Variants in TSGA10 observed in about 807,000 individuals in gnomAD.
TSGA10 encodes testis-specific gene 10 protein.
TSGA10 carries 43 observed loss-of-function variants against 96.6 expected under a neutral mutation model. The ratio of observed to expected loss-of-function variants is 0.44; its 90% CI spans 0.35 to 0.57. The LOEUF is 0.57. TSGA10 is among the 20% of genes least tolerant of loss of function. The pLI is 0.01. For missense variants in TSGA10, 703 were observed against 834.4 expected, an observed-to-expected ratio of 0.84 and a Z score of 1.94; for synonymous variants, 229 against 269.9, an observed-to-expected ratio of 0.85 and a Z score of 1.48.
rs980362248 is a variant in TSGA10, at chr2:99,115,802, C to A, written c.-140+1742G>T. On this transcript the variant is annotated intron_variant, in intron 4 of 20. Coordinates refer to ENST00000393483, the MANE Select transcript of TSGA10 (RefSeq NM_025244.4). ...GACTGAGGCAGGAAATCACTTGAAC[C>A]CGGGAGGTGGAGGTTGCAGTGAGCC... Among the ~76,000 whole-genome samples, 14 of 152,150 alleles carry A rather than the reference C, an allele frequency of 9.2e-5. 1 individual carries two copies. The highest frequency in any genetic ancestry group is 8.5e-4 in the Admixed American group (13 of 15,284).
At chr2:99,028,491 T>G (rs2080845620) in intron 17 of TSGA10, among the ~76,000 whole-genome samples, 1 of 152,188 alleles carries the variant, frequency 6.6e-6, no homozygotes, top group South Asian at 2.1e-4. Flanking sequence ...ATGAGATCTA[T>G]TCACAGCAAG....
chr2:99,100,840 A>C (rs2090621100), intron 10 of TSGA10, among the ~76,000 whole-genome samples: 1 of 139,410 alleles, frequency 7.2e-6, no homozygotes, highest in South Asian at 2.3e-4. Flanking sequence ...AAAAAAAAAT[A>C]CACTCCTGGT....
chr2:99,134,078 C>T (rs1365309812), intron 1 of TSGA10, among the ~76,000 whole-genome samples: 1 of 152,058 alleles, frequency 6.6e-6, no homozygotes, highest in African/African-American at 2.4e-5. Flanking sequence ...TTGCTCTTCT[C>T]GAGGAGTATC....
At chr2:99,121,061 T>C (rs1335517806) in intron 2 of TSGA10, among the ~76,000 whole-genome samples, 2 of 152,276 alleles carry the variant, frequency 1.3e-5, no homozygotes, top group East Asian at 1.9e-4. Flanking sequence ...AGTTTAACCA[T>C]TCACCAATTA....
At chr2:99,059,998 T>C (rs1300992388) in intron 16 of TSGA10, among the ~76,000 whole-genome samples, 2 of 151,726 alleles carry the variant, frequency 1.3e-5, no homozygotes, top group Non-Finnish European at 2.9e-5. Flanking sequence ...TATTTCCTTA[T>C]GGCTATATAT....
intron 20 of TSGA10, among the ~76,000 whole-genome samples, chr2:99,009,571 C>CAA (rs765452742): frequency 6.4e-4 from 29 of 45,412 alleles, no homozygotes; most frequent in African/African-American, 9.2e-4. Context: ...GACCCTGTCT[C>CAA]AAAAAAAAAA....
At chr2:99,150,906 A>G (rs2105157757) in intron 1 of TSGA10, 1 of 974,620 alleles carries the variant, frequency 1.0e-6, no homozygotes, top group South Asian at 1.7e-5. Context: ...AGAGAACTTA[A>G]CCTTATTAGG....
chr2:99,044,185 C>T (rs1161300022), intron 16 of TSGA10, among the ~76,000 whole-genome samples: 2 of 152,036 alleles, frequency 1.3e-5, no homozygotes, highest in African/African-American at 4.8e-5. Flanking sequence ...ACAATATTAA[C>T]CTTAAATGTA....
At chr2:99,102,192 A>G in intron 10 of TSGA10, 1 of 1,588,760 alleles carries the variant, frequency 6.3e-7, no homozygotes, top group Admixed American at 1.7e-5. Context: ...TATTCAGTTA[A>G]CTTTCAAACA....
chr2:99,070,647 A>G (rs1282000170), intron 14 of TSGA10, among the ~76,000 whole-genome samples: 1 of 152,188 alleles, frequency 6.6e-6, no homozygotes, highest in African/African-American at 2.4e-5. Flanking sequence ...CTAGGTTTTC[A>G]TAAATAAGAT....
chr2:99,154,777 T>A lies in TSGA10; in HGVS notation c.-705A>T, dbSNP rs1036002465. ...GGGGCCTTATGACCTTCGGTACTTTTATTCGAACGTAGCCTGCGTCCCTGC... is the reference window on the plus strand; with the variant it reads ...GGGGCCTTATGACCTTCGGTACTTTAATTCGAACGTAGCCTGCGTCCCTGC... On this transcript the variant is annotated 5_prime_UTR_variant, in exon 1 of 21. Coordinates refer to ENST00000393483, the MANE Select transcript of TSGA10 (RefSeq NM_025244.4). The A allele has an allele frequency of 4.4e-5, 14 of 314,906 alleles. No individual in the cohort carries two copies. The highest frequency in any genetic ancestry group is 2.7e-4 in the African/African-American group (12 of 44,330). 19.5% of individuals were successfully genotyped at this position (314,906 alleles called of 1,614,324 possible).
At chr2:99,147,292 T>G in intron 1 of TSGA10, 1 of 567,550 alleles carries the variant, frequency 1.8e-6, no homozygotes, top group East Asian at 2.9e-5. Flanking sequence ...TGAGCCATTG[T>G]GCCCAGCCGC....
chr2:99,042,871 T>A (rs546941031), intron 16 of TSGA10, among the ~76,000 whole-genome samples: 2 of 151,752 alleles, frequency 1.3e-5, no homozygotes, highest in African/African-American at 4.8e-5. Context: ...GCCCGGCTAA[T>A]TTTTTTTAGT....
chr2:99,083,262 T>G (rs915578219), intron 10 of TSGA10, among the ~76,000 whole-genome samples: 7 of 152,134 alleles, frequency 4.6e-5, no homozygotes, highest in African/African-American at 7.2e-5. Context: ...GAGACAAGAT[T>G]TCTATACTTT....
At chr2:99,018,111 G>T in intron 20 of TSGA10, 89 bp downstream of exon 20, 1 of 1,311,760 alleles carries the variant, frequency 7.6e-7, no homozygotes, top group Non-Finnish European at 1.0e-6. Flanking sequence ...ATTAAAGATA[G>T]ACTATTGAGT....
At chr2:99,064,502 C>T (rs367892378) in intron 16 of TSGA10, among the ~76,000 whole-genome samples, 1 of 152,020 alleles carries the variant, frequency 6.6e-6, no homozygotes. Context: ...TAAACATATG[C>T]AAAGGAGTTA....
At chr2:99,021,682 G>A (rs892753274) in intron 17 of TSGA10, among the ~76,000 whole-genome samples, 5 of 152,078 alleles carry the variant, frequency 3.3e-5, no homozygotes, top group African/African-American at 9.7e-5. Flanking sequence ...CCCAATCAAC[G>A]CCACCAGCAT....
intron 10 of TSGA10, among the ~76,000 whole-genome samples, chr2:99,085,137 C>T (rs2088090979): frequency 6.6e-6 from 1 of 151,982 alleles, no homozygotes; most frequent in Non-Finnish European, 1.5e-5. Flanking sequence ...ATCCTAGCTA[C>T]TCAGGAGGCT....
chr2:99,074,853 GGA>G (rs1278819861), intron 12 of TSGA10, among the ~76,000 whole-genome samples: 2 of 151,980 alleles, frequency 1.3e-5, no homozygotes, highest in Admixed American at 6.6e-5. Flanking sequence ...CAGCTACTCA[GGA>G]GACTGAGGCA....
Sources: allele counts gnomAD v4.1 joint callset (sites outside exome capture counted in the v4.1 genomes callset), GRCh38; gene constraint gnomAD v4.1.1; transcripts MANE v1.5; gene names NCBI Gene and HGNC (gene_info 2026-07-23, HGNC 2026-07-21).